Variants in SLC35E2B observed in about 807,000 individuals in gnomAD.
SLC35E2B encodes the protein solute carrier family 35, member E2B.
SLC35E2B carries 18 observed loss-of-function variants against 32.4 expected under a neutral mutation model. The ratio of observed to expected loss-of-function variants is 0.56; its 90% confidence interval spans 0.38 to 0.82. The LOEUF (loss-of-function observed/expected upper bound fraction) is 0.82. Among genes scored for constraint, SLC35E2B ranks in the 40% least tolerant of loss-of-function variants. The probability of loss-of-function intolerance (pLI) is 0.00; values close to 1 mark genes in which losing one functional copy is unlikely to be tolerated. For synonymous variants in SLC35E2B, 132 were observed against 209.1 expected (o/e 0.63, Z 3.18); for missense variants, 263 against 469.5 (o/e 0.56, Z 4.06).
In SLC35E2B at chr1:1,665,671, A is replaced by G. The variant is rs1643522850; in HGVS notation, c.*111T>C. The stretch of plus-strand genomic sequence containing the variant: ...CCGAGAAAGCCGCAGGCAATGGCCA[A>G]CTTAGCTCCCCATGTCCTGCACCCC... On this transcript the variant is annotated 3_prime_UTR_variant, in exon 10 of 10. Transcript: ENST00000617444. 1.4e-6 allele frequency: 2 copies of G among 1,449,184 alleles called. No individual in the cohort carries two copies. The highest frequency in any genetic ancestry group is 2.6e-5 in the Admixed American group (1 of 38,492). The allele number at this position is 1,449,184 out of a possible 1,614,324, so 89.8% of individuals were successfully genotyped here.
At chr1:1,684,048 G>A (rs1643923605) in intron 2 of SLC35E2B, among the ~76,000 whole-genome samples, 2 of 152,050 alleles carry the variant, frequency 1.3e-5, no homozygotes, top group Admixed American at 6.6e-5. Flanking sequence ...AGGGAGGATC[G>A]CTTGCTGTCC....
chr1:1,679,036 C>T (rs190894268), intron 2 of SLC35E2B, among the ~76,000 whole-genome samples: 313 of 152,296 alleles, frequency 2.1e-3, no homozygotes, highest in Non-Finnish European at 3.7e-3. Context: ...CCTCACTAGG[C>T]CTCACGGCCC....
In SLC35E2B at chr1:1,666,048, C is replaced by T. The variant is rs758785797; in HGVS notation, c.981-29G>A. 42 of 1,541,130 alleles carry T rather than the reference C, an allele frequency of 2.7e-5. No individual in the cohort carries two copies. The East Asian group carries it at 5.1e-4, about 19-fold the overall frequency. Reference sequence around the variant, plus strand: ...CGGAGGCAAGGGGAGGCAGCAGGGGCGCTCAGGGCTATGGTCTCCTCAGCC... The same window carrying T: ...CGGAGGCAAGGGGAGGCAGCAGGGGTGCTCAGGGCTATGGTCTCCTCAGCC... On this transcript the variant is annotated intron_variant, in intron 9 of 9. Transcript: ENST00000617444.
chr1:1,677,708 G>C (rs1469087830), intron 2 of SLC35E2B, among the ~76,000 whole-genome samples: 1 of 150,762 alleles, frequency 6.6e-6, no homozygotes. Context: ...GGATGGTCTC[G>C]ATCTCCTGAC....
intron 5 of SLC35E2B, chr1:1,672,352 G>C (rs1317368870): frequency 6.6e-6 from 1 of 152,234 alleles, no homozygotes; most frequent in Non-Finnish European, 1.5e-5. Flanking sequence ...TGTCTCAAAA[G>C]AAGAAAGAGA....
chr1:1,687,188 G>GCACA (rs1000492129), intron 2 of SLC35E2B, among the ~76,000 whole-genome samples: 10 of 152,226 alleles, frequency 6.6e-5, no homozygotes, highest in African/African-American at 2.2e-4. Context: ...CGACACGCAC[G>GCACA]CACACACACA....
intron 2 of SLC35E2B, among the ~76,000 whole-genome samples, chr1:1,680,080 T>C (rs912999204): frequency 1.3e-5 from 2 of 151,366 alleles, no homozygotes; most frequent in Admixed American, 1.3e-4. Context: ...TGAGCCGAGA[T>C]CACACCGTTG....
rs1643522342 is a variant in SLC35E2B, at chr1:1,665,652, A to C, written c.*130T>G. 2.2e-6 allele frequency: 3 copies of C among 1,388,158 alleles called. No homozygotes were observed. In the Admixed American group the frequency reaches 8.4e-5, roughly 39 times the overall value. The allele number at this position is 1,388,158 out of a possible 1,614,324, so 86.0% of individuals were successfully genotyped here. On this transcript the variant is annotated 3_prime_UTR_variant, in exon 10 of 10. Coordinates refer to ENST00000617444, the MANE Select transcript of SLC35E2B (RefSeq NM_001290264.2). ...GCTGGTCTTCACCGACAAACCGAGAAAGCCGCAGGCAATGGCCAACTTAGC... is the reference window on the plus strand; with the variant it reads ...GCTGGTCTTCACCGACAAACCGAGACAGCCGCAGGCAATGGCCAACTTAGC...
At chr1:1,684,798 A>AAAC (rs1643931541) in intron 2 of SLC35E2B, among the ~76,000 whole-genome samples, 1 of 146,976 alleles carries the variant, frequency 6.8e-6, no homozygotes, top group Admixed American at 6.8e-5. Flanking sequence ...TCAAAAAAAA[A>AAAC]AAAAAAAAAA....
intron 9 of SLC35E2B, among the ~76,000 whole-genome samples, chr1:1,666,850 A>G (rs1339411560): frequency 6.6e-6 from 1 of 152,060 alleles, no homozygotes; most frequent in Non-Finnish European, 1.5e-5. Context: ...TCACGCCTGT[A>G]ATCCCAGCAC....
At chr1:1,671,707 C>A in intron 5 of SLC35E2B, 78 bp from the exon 6 acceptor site, 1 of 1,367,176 alleles carries the variant, frequency 7.3e-7, no homozygotes, top group South Asian at 1.6e-5. Flanking sequence ...TGTTTCCATC[C>A]CCTCTTATGA....
intron 2 of SLC35E2B, among the ~76,000 whole-genome samples, chr1:1,685,853 A>G (rs1471403756): frequency 6.6e-6 from 1 of 152,166 alleles, no homozygotes; most frequent in African/African-American, 2.4e-5. Flanking sequence ...TTTTCTTGAG[A>G]CGGAGTCTCG....
chr1:1,666,284 C>T (rs1029976133), intron 9 of SLC35E2B, among the ~76,000 whole-genome samples: 2 of 152,170 alleles, frequency 1.3e-5, no homozygotes, highest in African/African-American at 4.8e-5. Context: ...GCTCCCTCGT[C>T]CCTTCTTTTT....
intron 5 of SLC35E2B, 82 bp from the exon 6 acceptor site, chr1:1,671,711 C>T (rs1457641363): frequency 4.3e-5 from 58 of 1,343,672 alleles, no homozygotes; most frequent in Admixed American, 3.4e-5. Flanking sequence ...TCCATCCCCT[C>T]TTATGAAAGG....
chr1:1,665,247 A>C lies in SLC35E2B; in HGVS notation c.*535T>G. The C allele has an allele frequency of 4.3e-6, 1 of 230,364 alleles. No homozygotes were observed. Among genetic ancestry groups the C allele is most frequent in the Non-Finnish European group, 8.4e-6 (1 of 119,566 alleles). The allele number at this position is 230,364 out of a possible 1,614,324, so 14.3% of individuals were successfully genotyped here. A position where few individuals can be genotyped will look rare whatever the true frequency, so the allele number is the denominator to read the frequency against. ...GCCCACAGCCCTGGGTCAGGTGGGG[A>C]GAAGTTCTGAGTGCCCACCGTGGCA... On this transcript the variant is annotated 3_prime_UTR_variant, in exon 10 of 10. Transcript: ENST00000617444.
intron 2 of SLC35E2B, among the ~76,000 whole-genome samples, chr1:1,685,320 G>T (rs1286246751): frequency 1.3e-5 from 2 of 150,942 alleles, no homozygotes; most frequent in African/African-American, 4.9e-5. Flanking sequence ...CAGCTGAGGT[G>T]GGGGGACTGC....
intron 8 of SLC35E2B, among the ~76,000 whole-genome samples, chr1:1,669,104 A>T (rs1406572050): frequency 6.6e-6 from 1 of 152,158 alleles, no homozygotes; most frequent in Non-Finnish European, 1.5e-5. Flanking sequence ...ACTTCCCTGC[A>T]GGGAGAATGG....
chr1:1,663,039 G>A lies in SLC35E2B; in HGVS notation c.*2743C>T, dbSNP rs1643445610. Reference sequence around the variant, plus strand: ...CCATGAAGACCAGCGGCTGGAAACTGACTTGGGCATGGAGAGGAGACTGAG... The same window carrying A: ...CCATGAAGACCAGCGGCTGGAAACTAACTTGGGCATGGAGAGGAGACTGAG... On this transcript the variant is annotated 3_prime_UTR_variant, in exon 10 of 10. Coordinates refer to ENST00000617444, the MANE Select transcript of SLC35E2B (RefSeq NM_001290264.2). The A allele has an allele frequency of 8.4e-6, 8 of 952,924 alleles. No homozygotes were observed. The highest frequency in any genetic ancestry group is 1.8e-5 in the African/African-American group (1 of 57,044). 59.0% of individuals were successfully genotyped at this position (952,924 alleles called of 1,614,324 possible).
intron 2 of SLC35E2B, among the ~76,000 whole-genome samples, chr1:1,689,104 G>C (rs746890299): frequency 6.6e-6 from 1 of 151,954 alleles, no homozygotes; most frequent in South Asian, 2.1e-4. Flanking sequence ...CCTGGGAGAC[G>C]GAGGCTTTAG....
Sources: allele counts gnomAD v4.1 joint callset (sites outside exome capture counted in the v4.1 genomes callset), GRCh38; gene constraint gnomAD v4.1.1; transcripts MANE v1.5; gene names NCBI Gene and HGNC (gene_info 2026-07-23, HGNC 2026-07-21).